FLT3: variants seen among roughly 807,000 people sequenced by gnomAD.
FLT3 encodes the protein fms related receptor tyrosine kinase 3.
Under a neutral mutation model 126.6 loss-of-function variants are expected in FLT3, and 46 were observed. The ratio of observed to expected loss-of-function variants is 0.36; its 90% CI spans 0.29 to 0.46. The LOEUF (loss-of-function observed/expected upper bound fraction) is 0.46, where lower values mean the gene tolerates loss of function less well. Ranked by LOEUF, FLT3 falls within the 20% of genes least tolerant of loss-of-function variation. FLT3 has a pLI of 1.00. For synonymous variants in FLT3, 404 were observed against 434.4 expected, an observed-to-expected ratio of 0.93 and a Z score of 0.87; for missense variants, 1,069 against 1,190.3, an observed-to-expected ratio of 0.90 and a Z score of 1.50.
At chr13:28,013,958 T>C (rs1401592614) in intron 23 of FLT3, among the ~76,000 whole-genome samples, 2 of 152,146 alleles carry the variant, frequency 1.3e-5, no homozygotes, top group Admixed American at 1.3e-4. Flanking sequence ...GTGTTTTTTT[T>C]CCCTAAAAAC....
intron 15 of FLT3, among the ~76,000 whole-genome samples, chr13:28,029,663 G>A (rs916750123): frequency 6.6e-6 from 1 of 152,182 alleles, no homozygotes; most frequent in East Asian, 1.9e-4. Flanking sequence ...GTTGACTCTA[G>A]CCTGTGGCCC....
intron 1 of FLT3, among the ~76,000 whole-genome samples, chr13:28,074,720 G>C (rs796910898): frequency 2.0e-5 from 3 of 152,046 alleles, no homozygotes; most frequent in African/African-American, 7.2e-5. Flanking sequence ...AGCTCACTGC[G>C]GCCTTGACCT....
Position 28,034,411 on chromosome 13 carries a change from C to A in FLT3, c.1598-4G>T, listed in dbSNP as rs1038879376. ...TCTTGGATGAAAGGGAAGGGGCCTGCAACAAAAGAGTGTCACTCAGCGATG... is the reference window on the plus strand; with the variant it reads ...TCTTGGATGAAAGGGAAGGGGCCTGAAACAAAAGAGTGTCACTCAGCGATG... On this transcript the variant is annotated splice_region_variant and splice_polypyrimidine_tract_variant and intron_variant, in intron 12 of 23. Coordinates refer to ENST00000241453, the MANE Select transcript of FLT3 (RefSeq NM_004119.3). 1.9e-6 allele frequency: 3 copies of A among 1,601,736 alleles called. No individual in the cohort carries two copies. The highest frequency in any genetic ancestry group is 2.2e-5 in the South Asian group (2 of 90,740).
At chr13:28,069,799 T>C (rs753838128) in intron 2 of FLT3, among the ~76,000 whole-genome samples, 7 of 152,194 alleles carry the variant, frequency 4.6e-5, no homozygotes, top group Non-Finnish European at 7.3e-5. Flanking sequence ...GTATTATAAG[T>C]AATCTAGAGA....
chr13:28,034,879 T>C (rs1873687514), intron 12 of FLT3, among the ~76,000 whole-genome samples: 2 of 150,964 alleles, frequency 1.3e-5, no homozygotes, highest in South Asian at 4.2e-4. Flanking sequence ...GCTTGAACCC[T>C]GGCAGAGGTG....
chr13:28,085,109 C>T (rs952927388), intron 1 of FLT3, among the ~76,000 whole-genome samples: 4 of 151,910 alleles, frequency 2.6e-5, no homozygotes, highest in Non-Finnish European at 4.4e-5. Context: ...TTTGGGAGGC[C>T]GACACGAGCG....
At chr13:28,057,191 T>C (rs1257847555) in intron 4 of FLT3, among the ~76,000 whole-genome samples, 156 bp downstream of exon 4, 2 of 152,190 alleles carry the variant, frequency 1.3e-5, no homozygotes, top group African/African-American at 4.8e-5. Context: ...CTCTATAGGT[T>C]CTACAGAGGG....
intron 9 of FLT3, among the ~76,000 whole-genome samples, chr13:28,044,709 C>A (rs1299143744): frequency 1.3e-5 from 2 of 152,178 alleles, no homozygotes; most frequent in African/African-American, 4.8e-5. Context: ...TCAGTACCAA[C>A]AATGCACATC....
chr13:28,040,106 A>T (rs1335434484), intron 9 of FLT3, among the ~76,000 whole-genome samples: 2 of 152,230 alleles, frequency 1.3e-5, no homozygotes, highest in Non-Finnish European at 2.9e-5. Context: ...TTCAACTGTC[A>T]ATGTTAGAAC....
rs1879756956 is a variant in FLT3, at chr13:28,100,448, G to A, written c.43+20C>T. On this transcript the variant is annotated intron_variant, in intron 1 of 23. Transcript: ENST00000241453. The surrounding 1 kb of genome is among the most constrained non-coding windows in gnomAD (Gnocchi z 4.8). Reference sequence around the variant, plus strand: ...GCTGAGGGACCGCGAGGGGCTGCGAGCGAGCGAGCGGGGCCTTACCGAGCA... The same window carrying A: ...GCTGAGGGACCGCGAGGGGCTGCGAACGAGCGAGCGGGGCCTTACCGAGCA... 8.2e-7 allele frequency: 1 copy of A among 1,216,614 alleles called. No homozygotes were observed. Among genetic ancestry groups the A allele is most frequent in the Non-Finnish European group, 1.0e-6 (1 of 978,150 alleles). 75.4% of individuals were successfully genotyped at this position (1,216,614 alleles called of 1,614,324 possible). A position where few individuals can be genotyped will look rare whatever the true frequency, so the allele number is the denominator to read the frequency against.
At position 28,057,391 on chromosome 13, in the gene FLT3, C is replaced by T; in HGVS notation, c.440G>A (p.Ser147Asn). 1.3e-6 allele frequency: 2 copies of T among 1,580,986 alleles called. No individual in the cohort carries two copies. The highest frequency in any genetic ancestry group is 1.7e-6 in the Non-Finnish European group (2 of 1,149,826). Residue 147 changes from serine to asparagine, a missense_variant, in exon 4 of 24, where the codon AGT (serine) becomes AAT (asparagine). Transcript: ENST00000241453. ...CAATATTGTGTAATTGGTAGCTTCA[C>T]TCTGAATAAAAAGTAGGTATTCTCC... is the stretch of plus-strand genomic sequence containing the variant. Reference protein sequence around the residue: ...QAGEYLLFIQSEATNYTILFT... With the variant: ...QAGEYLLFIQNEATNYTILFT...
chr13:28,065,891 C>A (rs751163972), intron 2 of FLT3, among the ~76,000 whole-genome samples: 7 of 151,848 alleles, frequency 4.6e-5, no homozygotes, highest in Admixed American at 4.6e-4. Context: ...AATCCCAGCA[C>A]TTTGGGAGGC....
chr13:28,025,201 C>A, intron 17 of FLT3: 1 of 500,402 alleles, frequency 2.0e-6, no homozygotes. Flanking sequence ...ATCCTTGCCA[C>A]AACCTATGAG....
chr13:28,058,750 G>A (rs1876264160), intron 3 of FLT3, among the ~76,000 whole-genome samples: 1 of 152,158 alleles, frequency 6.6e-6, no homozygotes, highest in Non-Finnish European at 1.5e-5. Flanking sequence ...CAGCAAGCAG[G>A]TTCAATAGAA....
At chr13:28,077,978 G>C (rs1257538684) in intron 1 of FLT3, among the ~76,000 whole-genome samples, 1 of 152,198 alleles carries the variant, frequency 6.6e-6, no homozygotes, top group African/African-American at 2.4e-5. Flanking sequence ...CTCACATCCA[G>C]GGCATGCTGA....
chr13:28,015,675 G>A lies in FLT3; in HGVS notation c.2568C>T (p.Ala856=), dbSNP rs573768667. The change falls in exon 21 of 24, where the codon GCC becomes GCT. Residue 856 remains alanine, a synonymous_variant. Coordinates refer to ENST00000241453, the MANE Select transcript of FLT3 (RefSeq NM_004119.3). ...GNARLPVKWM[A]PESLFEGIYT... ...AGATGCCTTCAAACAGGCTTTCGGG[G>A]GCCATCCATTTTACAGGCAGACGGG... 3.7e-6 allele frequency: 6 copies of A among 1,606,782 alleles called. No individual in the cohort carries two copies. In the East Asian group the frequency reaches 1.1e-4, roughly 30 times the overall value.
chr13:28,031,972 T>G (rs954140279), intron 15 of FLT3, among the ~76,000 whole-genome samples: 1 of 152,124 alleles, frequency 6.6e-6, no homozygotes, highest in African/African-American at 2.4e-5. Flanking sequence ...GAGAGAGCCT[T>G]GAACTAGAGT....
intron 1 of FLT3, among the ~76,000 whole-genome samples, chr13:28,081,442 C>T (rs1201460058): frequency 1.3e-5 from 2 of 152,000 alleles, no homozygotes; most frequent in Non-Finnish European, 2.9e-5. Flanking sequence ...AATTTTTTTC[C>T]ACACTGATAG....
At position 28,087,526 on chromosome 13, in the gene FLT3, G is replaced by A. The variant is rs73156261; in HGVS notation, c.43+12942C>T. On this transcript the variant is annotated intron_variant, in intron 1 of 23. Transcript: ENST00000241453. ...TAGTTGTCATAAGTCATGTGTTTGA[G>A]TTTCACTGGGCTTCTTGAACCCATA... is the stretch of plus-strand genomic sequence containing the variant. 7.4e-3 allele frequency among the ~76,000 whole-genome samples: 1,133 copies of A among 152,238 alleles called. 7 individuals are homozygous for A. The highest frequency in any genetic ancestry group is 0.013 in the Non-Finnish European group (860 of 68,018).
Sources: gnomAD v4.1 joint callset for allele counts (sites outside exome capture counted in the v4.1 genomes callset) on GRCh38, gnomAD v4.1.1 for gene constraint, Gnocchi (gnomAD v3.1) non-coding constraint, MANE v1.5 for transcripts, NCBI Gene and HGNC (gene_info 2026-07-23, HGNC 2026-07-21) for gene names.